Variants in GRM8 observed in about 807,000 individuals in gnomAD.
The protein encoded by GRM8 is glutamate metabotropic receptor 8, also known as metabotropic glutamate receptor 8.
Under a neutral mutation model 87.2 loss-of-function variants are expected in GRM8, and 47 were observed. The observed-to-expected ratio is 0.54, with a 90% CI of 0.43 to 0.69. GRM8 has a LOEUF of 0.69. Ranked by LOEUF, GRM8 falls within the 30% of genes least tolerant of loss-of-function variation. The probability of loss-of-function intolerance (pLI) is 0.00; values close to 1 mark genes in which losing one functional copy is unlikely to be tolerated. For missense variants in GRM8, 1,019 were observed against 1,139.2 expected (o/e 0.89, Z 1.52); for synonymous variants, 396 against 404.5 (o/e 0.98, Z 0.25).
intron 2 of GRM8, among the ~76,000 whole-genome samples, chr7:127,117,229 T>G (rs1383627742): frequency 6.6e-6 from 1 of 152,130 alleles, no homozygotes; most frequent in Non-Finnish European, 1.5e-5. Context: ...TCAAGCTATA[T>G]GAGAAGCAGG....
In GRM8 at chr7:126,650,131, G is replaced by A. The variant is rs541518476; in HGVS notation, c.1358-40633C>T. ...ACTTGAACTGCCTATCATGAACTGGGTGCTTTCTGACCCACCTACTCACAA... is the reference window on the plus strand; with the variant it reads ...ACTTGAACTGCCTATCATGAACTGGATGCTTTCTGACCCACCTACTCACAA... On this transcript the variant is annotated intron_variant, in intron 7 of 10. Transcript: ENST00000339582. Among the ~76,000 whole-genome samples the A allele has an allele frequency of 4.6e-5, 7 of 152,274 alleles. No homozygotes were observed. The South Asian group carries it at 1.4e-3, about 32-fold the overall frequency.
chr7:126,985,425 T>C (rs1461905803), intron 3 of GRM8, among the ~76,000 whole-genome samples: 1 of 152,228 alleles, frequency 6.6e-6, no homozygotes, highest in Non-Finnish European at 1.5e-5. Context: ...ACTAAATGTT[T>C]TTCTCTTATG....
At chr7:126,984,094 C>A (rs1811808161) in intron 3 of GRM8, among the ~76,000 whole-genome samples, 1 of 152,138 alleles carries the variant, frequency 6.6e-6, no homozygotes, top group Non-Finnish European at 1.5e-5. Context: ...ATATCCATAT[C>A]AGTATTTAAG....
chr7:127,081,952 T>C (rs897202128), intron 3 of GRM8, among the ~76,000 whole-genome samples: 2 of 152,110 alleles, frequency 1.3e-5, no homozygotes, highest in African/African-American at 4.8e-5. Context: ...GGAAAAGGCC[T>C]TGGACTTGGC....
At chr7:126,640,058 C>A (rs889084138) in intron 7 of GRM8, among the ~76,000 whole-genome samples, 1 of 152,128 alleles carries the variant, frequency 6.6e-6, no homozygotes, top group African/African-American at 2.4e-5. Flanking sequence ...AACACACAGA[C>A]CATAATAGGG....
In GRM8 at chr7:126,577,461, A is replaced by G. The variant is rs1198170499; in HGVS notation, c.1494+31901T>C. Reference sequence around the variant, plus strand: ...AACAAAATTTCCCTCTAACTTTAGTATAATATTTCAAGGACAACGAAATAC... The same window carrying G: ...AACAAAATTTCCCTCTAACTTTAGTGTAATATTTCAAGGACAACGAAATAC... On this transcript the variant is annotated intron_variant, in intron 8 of 10. Coordinates refer to ENST00000339582, the MANE Select transcript of GRM8 (RefSeq NM_000845.3). 2.0e-5 allele frequency among the ~76,000 whole-genome samples: 3 copies of G among 152,088 alleles called. No homozygotes were observed. The East Asian group carries it at 5.9e-4, about 30-fold the overall frequency.
At position 127,051,738 on chromosome 7, in the gene GRM8, G is replaced by GAA. The variant is rs1563454593; in HGVS notation, c.727+54757_727+54758insTT. On this transcript the variant is annotated intron_variant, in intron 3 of 10. Coordinates refer to ENST00000339582, the MANE Select transcript of GRM8 (RefSeq NM_000845.3). ...AGAAATCTCAAAAACATAATGTTGA[G>GAA]CAAAAAAAAAAAAAAAAAAAAAAAA... Among the ~76,000 whole-genome samples, 13 of 13,050 alleles carry GAA rather than the reference G, an allele frequency of 1.0e-3. 1 individual carries two copies. The highest frequency in any genetic ancestry group is 5.2e-3 in the East Asian group (2 of 384). 8.6% of individuals were successfully genotyped at this position (13,050 alleles called of 152,430 possible).
intron 3 of GRM8, among the ~76,000 whole-genome samples, chr7:126,940,436 C>T (rs1002368201): frequency 5.9e-5 from 9 of 152,064 alleles, no homozygotes; most frequent in African/African-American, 2.2e-4. Context: ...ATGCCATGGT[C>T]CCTGAGACCA....
chr7:127,190,908 A>C (rs932633529), intron 2 of GRM8, among the ~76,000 whole-genome samples: 1 of 152,174 alleles, frequency 6.6e-6, no homozygotes, highest in African/African-American at 2.4e-5. Context: ...GGTATTCTTT[A>C]GTCAAATGGT....
chr7:126,733,679 C>G (rs1041736935), intron 7 of GRM8, among the ~76,000 whole-genome samples: 1 of 151,892 alleles, frequency 6.6e-6, no homozygotes, highest in African/African-American at 2.4e-5. Flanking sequence ...AAAAATACAT[C>G]ATCATGTTGA....
chr7:126,627,888 A>G (rs1418482790), intron 7 of GRM8, among the ~76,000 whole-genome samples: 2 of 152,156 alleles, frequency 1.3e-5, no homozygotes, highest in Non-Finnish European at 2.9e-5. Context: ...TTTATTCACT[A>G]TTGGATTCGA....
intron 3 of GRM8, among the ~76,000 whole-genome samples, chr7:126,947,707 A>G (rs1807695134): frequency 6.6e-6 from 1 of 151,994 alleles, no homozygotes; most frequent in Admixed American, 6.6e-5. Flanking sequence ...TCATAAAACA[A>G]CCTTTTCATT....
In GRM8 at chr7:126,950,727, T is replaced by A. The variant is rs1341162518; in HGVS notation, c.728-46044A>T. Among the ~76,000 whole-genome samples, 5 of 152,138 alleles carry A rather than the reference T, an allele frequency of 3.3e-5. No homozygotes were observed. The East Asian group carries it at 9.6e-4, about 29-fold the overall frequency. ...GTCTGTAACCCTATGAGGTAGGTAT[T>A]CTTATCATTCCTATTGTATAAATTA... On this transcript the variant is annotated intron_variant, in intron 3 of 10. Coordinates refer to ENST00000339582, the MANE Select transcript of GRM8 (RefSeq NM_000845.3).
intron 7 of GRM8, among the ~76,000 whole-genome samples, chr7:126,752,851 A>G (rs1816580641): frequency 6.6e-6 from 1 of 152,004 alleles, no homozygotes; most frequent in Admixed American, 6.6e-5. Context: ...TCCCTACCTA[A>G]TTAGTCCCAC....
chr7:126,480,360 G>A (rs139423684), intron 9 of GRM8, among the ~76,000 whole-genome samples: 161 of 152,012 alleles, frequency 1.1e-3, no homozygotes, highest in African/African-American at 3.6e-3. Flanking sequence ...CTCCAGTCTG[G>A]TTGACAGAGT....
intron 9 of GRM8, among the ~76,000 whole-genome samples, chr7:126,475,149 A>C (rs1739972163): frequency 6.6e-6 from 1 of 152,162 alleles, no homozygotes; most frequent in African/African-American, 2.4e-5. Flanking sequence ...TGCAAGAATA[A>C]AAAGATAAAC....
At chr7:126,568,304 C>T (rs1794414618) in intron 8 of GRM8, among the ~76,000 whole-genome samples, 1 of 152,064 alleles carries the variant, frequency 6.6e-6, no homozygotes, top group Non-Finnish European at 1.5e-5. Context: ...GTTACGTTAA[C>T]AGAAAGAAAA....
intron 3 of GRM8, among the ~76,000 whole-genome samples, chr7:127,031,187 T>C (rs1586802967): frequency 6.6e-6 from 1 of 152,296 alleles, no homozygotes; most frequent in South Asian, 2.1e-4. Flanking sequence ...CATCCTGTAT[T>C]GGTTCAAGTC....
intron 3 of GRM8, among the ~76,000 whole-genome samples, chr7:127,037,743 A>G (rs1817978301): frequency 6.6e-6 from 1 of 152,136 alleles, no homozygotes; most frequent in Non-Finnish European, 1.5e-5. Flanking sequence ...TAGCGGAGAT[A>G]TCTCAGCCCT....
Sources: gnomAD v4.1 joint callset for allele counts (sites outside exome capture counted in the v4.1 genomes callset) on GRCh38, gnomAD v4.1.1 for gene constraint, MANE v1.5 for transcripts, NCBI Gene and HGNC (gene_info 2026-07-23, HGNC 2026-07-21) for gene names.